Variants in CADPS observed in about 807,000 individuals in gnomAD.
CADPS encodes calcium dependent secretion activator, also known as calcium-dependent secretion activator 1.
CADPS carries 57 observed loss-of-function variants against 167.3 expected under a neutral mutation model. The ratio of observed to expected loss-of-function variants is 0.34; its 90% CI spans 0.28 to 0.42. The LOEUF (loss-of-function observed/expected upper bound fraction) is 0.42. Ranked by LOEUF, CADPS falls within the 20% of genes least tolerant of loss-of-function variation. The pLI is 1.00. For missense variants in CADPS, 1,414 were observed against 1,738.1 expected (o/e 0.81, Z 3.32); for synonymous variants, 676 against 635.3 (o/e 1.06, Z -0.96).
At chr3:62,786,879 G>C (rs1243737610) in intron 1 of CADPS, among the ~76,000 whole-genome samples, 2 of 152,166 alleles carry the variant, frequency 1.3e-5, no homozygotes, top group Non-Finnish European at 2.9e-5. Context: ...AAAAATCCTG[G>C]AGTAGTTGGT....
intron 1 of CADPS, among the ~76,000 whole-genome samples, chr3:62,860,918 A>G (rs935621447): frequency 2.0e-5 from 3 of 152,194 alleles, no homozygotes; most frequent in African/African-American, 7.2e-5. Context: ...GTGCCTATGC[A>G]AATTTAGGTT....
At chr3:62,805,662 T>C (rs1270526254) in intron 1 of CADPS, among the ~76,000 whole-genome samples, 1 of 152,166 alleles carries the variant, frequency 6.6e-6, no homozygotes, top group Admixed American at 6.5e-5. Flanking sequence ...TAATCTCATT[T>C]TACTTCCCTA....
At position 62,474,151 on chromosome 3, in the gene CADPS, G is replaced by GTTTTTTTTTTTTTTTTTTTTTTT; in HGVS notation, c.3477+21_3477+22insAAAAAAAAAAAAAAAAAAAAAAA. On this transcript the variant is annotated intron_variant, in intron 24 of 29. Coordinates refer to ENST00000383710, the MANE Select transcript of CADPS (RefSeq NM_003716.4). The stretch of plus-strand genomic sequence containing the variant: ...TCAATGAAGAGGGAAAAAAAAATCT[G>GTTTTTTTTTTTTTTTTTTTTTTT]TATTTTTTTTTTTTTTTTTACCTCT... 4.0e-6 allele frequency: 2 copies of GTTTTTTTTTTTTTTTTTTTTTTT among 496,850 alleles called. 1 individual carries two copies. Among genetic ancestry groups the GTTTTTTTTTTTTTTTTTTTTTTT allele is most frequent in the Non-Finnish European group, 5.5e-6 (2 of 366,110 alleles). The allele number at this position is 496,850 out of a possible 1,614,324, so 30.8% of individuals were successfully genotyped here.
intron 17 of CADPS, among the ~76,000 whole-genome samples, chr3:62,502,792 G>C (rs1218197608): frequency 6.6e-6 from 1 of 152,068 alleles, no homozygotes; most frequent in Non-Finnish European, 1.5e-5. Flanking sequence ...TAACATGCTG[G>C]TCTGTGTTTG....
chr3:62,858,841 G>T (rs1172161152), intron 1 of CADPS, among the ~76,000 whole-genome samples: 1 of 151,964 alleles, frequency 6.6e-6, no homozygotes, highest in Non-Finnish European at 1.5e-5. Flanking sequence ...TTTATGATAG[G>T]CAGGTTAATT....
intron 28 of CADPS, among the ~76,000 whole-genome samples, chr3:62,416,144 T>G (rs2050018290): frequency 6.6e-6 from 1 of 152,168 alleles, no homozygotes; most frequent in Non-Finnish European, 1.5e-5. Flanking sequence ...GGGCAGGAGA[T>G]TAAGCACACA....
chr3:62,849,257 A>G (rs898870100), intron 1 of CADPS, among the ~76,000 whole-genome samples: 8 of 149,550 alleles, frequency 5.3e-5, no homozygotes, highest in African/African-American at 2.0e-4. Flanking sequence ...TCCTAATTGA[A>G]TGCCCTTTAT....
intron 26 of CADPS, among the ~76,000 whole-genome samples, chr3:62,460,466 T>C (rs1316450463): frequency 1.3e-5 from 2 of 152,214 alleles, no homozygotes; most frequent in Non-Finnish European, 2.9e-5. Context: ...TCTCCTACCC[T>C]GGACATTCCC....
intron 28 of CADPS, among the ~76,000 whole-genome samples, chr3:62,419,408 T>C (rs2050845626): frequency 6.6e-6 from 1 of 152,142 alleles, no homozygotes; most frequent in African/African-American, 2.4e-5. Flanking sequence ...TTAGCCTCCA[T>C]CCTCTCAAAG....
At chr3:62,454,750 T>C (rs2058485917) in intron 26 of CADPS, among the ~76,000 whole-genome samples, 1 of 152,104 alleles carries the variant, frequency 6.6e-6, no homozygotes, top group African/African-American at 2.4e-5. Flanking sequence ...AGCCGAGGTT[T>C]TCCTGCAAAG....
chr3:62,655,172 G>A (rs1228967894), intron 4 of CADPS, among the ~76,000 whole-genome samples: 1 of 152,160 alleles, frequency 6.6e-6, no homozygotes, highest in Non-Finnish European at 1.5e-5. Context: ...ACATTTTTCT[G>A]GTGCAAGGAC....
At chr3:62,650,722 G>T in intron 5 of CADPS, 125 bp downstream of exon 5, 10 of 663,592 alleles carry the variant, frequency 1.5e-5, no homozygotes, top group South Asian at 5.8e-5. Flanking sequence ...CCTAAGCTTA[G>T]CATGCTGTTA....
intron 3 of CADPS, among the ~76,000 whole-genome samples, chr3:62,701,606 T>TA (rs5849494): frequency 0.18 from 23,135 of 129,980 alleles, 2,534 homozygotes; most frequent in African/African-American, 0.32. Context: ...AGACTCAGTC[T>TA]AAAAAAAAAA....
At chr3:62,709,304 G>T (rs2082931271) in intron 3 of CADPS, among the ~76,000 whole-genome samples, 1 of 152,104 alleles carries the variant, frequency 6.6e-6, no homozygotes, top group African/African-American at 2.4e-5. Flanking sequence ...AAAATGTGTG[G>T]CAAAGCTCTG....
Position 62,753,851 on chromosome 3 carries a change from G to T in CADPS, c.556-78C>A. On this transcript the variant is annotated intron_variant, in intron 2 of 29. Transcript: ENST00000383710. The surrounding 1 kb of genome is among the most constrained non-coding windows in gnomAD (Gnocchi z 4.6). The stretch of plus-strand genomic sequence containing the variant: ...CCAGTTCCCTGGGGCTGGACACTGG[G>T]CCAGTCCACCTCACGTGCATCCCAG... 7.3e-7 allele frequency: 1 copy of T among 1,369,128 alleles called. No individual in the cohort carries two copies. 84.8% of individuals were successfully genotyped at this position (1,369,128 alleles called of 1,614,324 possible). A position where few individuals can be genotyped will look rare whatever the true frequency, so the allele number is the denominator to read the frequency against.
chr3:62,851,449 A>T, intron 1 of CADPS, among the ~76,000 whole-genome samples: 1 of 145,982 alleles, frequency 6.9e-6, no homozygotes, highest in Non-Finnish European at 1.5e-5. Flanking sequence ...TTCCTTCAGG[A>T]GCTCTTTTAG....
chr3:62,866,945 G>C (rs1049819864), intron 1 of CADPS, among the ~76,000 whole-genome samples: 3 of 152,004 alleles, frequency 2.0e-5, no homozygotes, highest in Admixed American at 6.6e-5. Flanking sequence ...ACCAGGGACT[G>C]ATAGTCCACA....
At chr3:62,788,459 T>C (rs1156969065) in intron 1 of CADPS, among the ~76,000 whole-genome samples, 2 of 152,156 alleles carry the variant, frequency 1.3e-5, no homozygotes, top group Non-Finnish European at 2.9e-5. Flanking sequence ...GTCTAGATCT[T>C]AAACAAGATC....
chr3:62,475,871 T>A (rs747338069), intron 23 of CADPS, among the ~76,000 whole-genome samples: 1 of 152,196 alleles, frequency 6.6e-6, no homozygotes, highest in Non-Finnish European at 1.5e-5. Flanking sequence ...ATGGAAATGC[T>A]AAATTGCTCC....
Sources: gnomAD v4.1 joint callset for allele counts (sites outside exome capture counted in the v4.1 genomes callset) on GRCh38, gnomAD v4.1.1 for gene constraint, Gnocchi (gnomAD v3.1) non-coding constraint, MANE v1.5 for transcripts, NCBI Gene and HGNC (gene_info 2026-07-23, HGNC 2026-07-21) for gene names.